The following PLXNA4 variants were observed in gnomAD, a reference collection of about 807,000 sequenced individuals.
PLXNA4 encodes plexin-A4.
A neutral mutation model predicts 191.8 loss-of-function variants in PLXNA4; 44 were observed. The ratio of observed to expected loss-of-function variants is 0.23; its 90% confidence interval spans 0.18 to 0.29. PLXNA4 has a LOEUF of 0.29. Among genes scored for constraint, PLXNA4 ranks in the 10% least tolerant of loss-of-function variants. PLXNA4 has a pLI of 1.00. For missense variants in PLXNA4, 1,800 were observed against 2,488.8 expected (o/e 0.72, Z 5.89); for synonymous variants, 1,082 against 1,009.5 (o/e 1.07, Z -1.36).
chr7:132,563,997 T>TCTCCTCCTCCTCCTTCTC (rs1261697088), intron 1 of PLXNA4, among the ~76,000 whole-genome samples: 1 of 2,258 alleles, frequency 4.4e-4, no homozygotes, highest in African/African-American at 1.9e-3. Flanking sequence ...TCCTCCTCCT[T>TCTCCTCCTCCTCCTTCTC]CTCCTCCTCC....
chr7:132,428,947 G>A (rs946139132), intron 3 of PLXNA4, among the ~76,000 whole-genome samples: 2 of 152,180 alleles, frequency 1.3e-5, no homozygotes, highest in African/African-American at 4.8e-5. Context: ...CTTTCGGGGT[G>A]CAAGGGCTTA....
intron 3 of PLXNA4, among the ~76,000 whole-genome samples, chr7:132,345,419 T>C (rs1803207037): frequency 6.6e-6 from 1 of 152,206 alleles, no homozygotes; most frequent in African/African-American, 2.4e-5. Flanking sequence ...TCAAGAAAGC[T>C]CAAATGTACC....
At chr7:132,401,322 T>TA (rs140227025) in intron 3 of PLXNA4, among the ~76,000 whole-genome samples, 2 of 152,026 alleles carry the variant, frequency 1.3e-5, no homozygotes, top group African/African-American at 4.8e-5. Context: ...AAGGCAAAGT[T>TA]AAAAAAATGC....
intron 2 of PLXNA4, among the ~76,000 whole-genome samples, chr7:132,584,949 G>A (rs1393753857): frequency 2.0e-5 from 3 of 151,878 alleles, no homozygotes; most frequent in African/African-American, 7.3e-5. Flanking sequence ...TATCATATTC[G>A]AGCTTGCCTT....
chr7:132,471,175 T>A (rs1563118268), intron 3 of PLXNA4, among the ~76,000 whole-genome samples: 1 of 152,192 alleles, frequency 6.6e-6, no homozygotes, highest in Non-Finnish European at 1.5e-5. Flanking sequence ...CTATGTGACG[T>A]GCCTGCTCTC....
intron 2 of PLXNA4, among the ~76,000 whole-genome samples, chr7:132,588,997 A>T (rs1423924504): frequency 6.6e-6 from 1 of 152,150 alleles, no homozygotes; most frequent in Admixed American, 6.5e-5. Context: ...GACTATAAAG[A>T]TTTTTTATTT....
chr7:132,534,515 G>C (rs547562815), intron 1 of PLXNA4, among the ~76,000 whole-genome samples: 16 of 152,238 alleles, frequency 1.1e-4, no homozygotes, highest in Non-Finnish European at 2.1e-4. Context: ...GTCCACGGGT[G>C]CCTGCCCGTG....
intron 1 of PLXNA4, among the ~76,000 whole-genome samples, chr7:132,531,891 A>C (rs1441347334): frequency 2.0e-5 from 3 of 152,212 alleles, no homozygotes; most frequent in Admixed American, 6.5e-5. Context: ...CTCATAGCCC[A>C]GGGAGGACAC....
intron 3 of PLXNA4, among the ~76,000 whole-genome samples, chr7:132,338,024 TAC>T (rs1802884159): frequency 6.6e-6 from 1 of 152,196 alleles, no homozygotes; most frequent in Admixed American, 6.5e-5. Context: ...CTCTCATATC[TAC>T]ACTGTAGAGC....
At chr7:132,323,378 C>T (rs1029611097) in intron 3 of PLXNA4, among the ~76,000 whole-genome samples, 5 of 152,236 alleles carry the variant, frequency 3.3e-5, no homozygotes, top group Non-Finnish European at 5.9e-5. Context: ...AGTGTACTTG[C>T]ATCATCTCAT....
At chr7:132,341,980 C>T (rs1052274820) in intron 3 of PLXNA4, among the ~76,000 whole-genome samples, 1 of 151,856 alleles carries the variant, frequency 6.6e-6, no homozygotes, top group African/African-American at 2.4e-5. Context: ...TTTTGGGTGA[C>T]ACCACTGCCC....
chr7:132,510,582 T>C (rs1344872529), intron 1 of PLXNA4, among the ~76,000 whole-genome samples: 1 of 152,156 alleles, frequency 6.6e-6, no homozygotes, highest in Non-Finnish European at 1.5e-5. Context: ...CCTGAACTGA[T>C]ACGCACGACA....
At chr7:132,455,650 C>T (rs558004825) in intron 3 of PLXNA4, among the ~76,000 whole-genome samples, 7 of 152,248 alleles carry the variant, frequency 4.6e-5, no homozygotes, top group African/African-American at 1.7e-4. Flanking sequence ...CCACACACAC[C>T]CTTTCTTTCT....
intron 3 of PLXNA4, among the ~76,000 whole-genome samples, chr7:132,398,645 T>C (rs1424171835): frequency 1.3e-5 from 2 of 152,300 alleles, no homozygotes; most frequent in African/African-American, 4.8e-5. Flanking sequence ...CTAGCAGCAC[T>C]CACTGAGGCC....
intron 3 of PLXNA4, among the ~76,000 whole-genome samples, chr7:132,434,537 A>G (rs1326625408): frequency 2.0e-5 from 3 of 152,214 alleles, no homozygotes; most frequent in African/African-American, 7.2e-5. Flanking sequence ...TTTCAAGTCT[A>G]TCTTAAAGTA....
intron 3 of PLXNA4, among the ~76,000 whole-genome samples, chr7:132,349,383 G>A (rs1010291313): frequency 6.6e-6 from 1 of 152,140 alleles, no homozygotes; most frequent in Non-Finnish European, 1.5e-5. Context: ...GGCTGGTGGG[G>A]TCGGAGGAGT....
intron 21 of PLXNA4, among the ~76,000 whole-genome samples, chr7:132,172,251 C>A (rs935437612): frequency 1.3e-5 from 2 of 152,146 alleles, no homozygotes; most frequent in African/African-American, 4.8e-5. Context: ...TTAATTGTAA[C>A]CCAATAGGTT....
At chr7:132,153,034 G>A (rs919252491) in intron 25 of PLXNA4, among the ~76,000 whole-genome samples, 7 of 152,228 alleles carry the variant, frequency 4.6e-5, no homozygotes, top group Non-Finnish European at 8.8e-5. Flanking sequence ...TAAAACATAA[G>A]CCCTTGCCCT....
chr7:132,268,051 T>C (rs1459319179), intron 4 of PLXNA4, among the ~76,000 whole-genome samples: 1 of 152,226 alleles, frequency 6.6e-6, no homozygotes, highest in Non-Finnish European at 1.5e-5. Context: ...ACAAGATAAA[T>C]ACTGGGGCTT....
Sources: gnomAD v4.1 joint callset for allele counts (sites outside exome capture counted in the v4.1 genomes callset) on GRCh38, gnomAD v4.1.1 for gene constraint, MANE v1.5 for transcripts, NCBI Gene and HGNC (gene_info 2026-07-23, HGNC 2026-07-21) for gene names.